Variants in INPP4B observed in about 807,000 individuals in gnomAD.
The protein encoded by INPP4B is inositol polyphosphate 4-phosphatase type II.
In INPP4B, 55 loss-of-function variants were observed where a neutral mutation model predicts 122.5. The ratio of observed to expected loss-of-function variants is 0.45; its 90% CI spans 0.36 to 0.56. INPP4B has a LOEUF of 0.56. Ranked by LOEUF, INPP4B falls within the 20% of genes least tolerant of loss-of-function variation. The pLI, the probability that INPP4B is intolerant of heterozygous loss-of-function variation, is 0.00. For synonymous variants in INPP4B, 403 were observed against 388.7 expected (o/e 1.04, Z -0.43); for missense variants, 1,000 against 1,097.7 (o/e 0.91, Z 1.26).
chr4:142,173,425 G>GA lies in INPP4B; in HGVS notation c.1359+206dup, dbSNP rs34846567. The stretch of plus-strand genomic sequence containing the variant: ...AATAACAGGTTTCATTTCCTACTAA[G>GA]AAAAAAAAAAAAAGAGTGCTCAGTA... On this transcript the variant is annotated intron_variant, in intron 16 of 25. Coordinates refer to ENST00000262992, the MANE Select transcript of INPP4B (RefSeq NM_001101669.3). 2.1e-3 allele frequency among the ~76,000 whole-genome samples: 281 copies of GA among 135,056 alleles called. 2 individuals carry two copies. The South Asian group carries it at 0.025, about 12-fold the overall frequency. The allele number at this position is 135,056 out of a possible 152,430, so 88.6% of individuals were successfully genotyped here.
chr4:142,507,877 G>T (rs768923176), intron 2 of INPP4B, among the ~76,000 whole-genome samples: 6 of 152,096 alleles, frequency 3.9e-5, no homozygotes, highest in Non-Finnish European at 7.4e-5. Context: ...GACATATCCA[G>T]ATTCATTCTA....
intron 15 of INPP4B, among the ~76,000 whole-genome samples, chr4:142,184,935 A>C (rs549323752): frequency 6.6e-6 from 1 of 152,186 alleles, no homozygotes; most frequent in Non-Finnish European, 1.5e-5. Context: ...GCAGCAAAGA[A>C]ATTTTTAAAA....
At chr4:142,760,047 G>C (rs1771097341) in intron 1 of INPP4B, among the ~76,000 whole-genome samples, 1 of 151,846 alleles carries the variant, frequency 6.6e-6, no homozygotes, top group Admixed American at 6.6e-5. Flanking sequence ...CTATTTGTTG[G>C]CATTTTTTAT....
intron 7 of INPP4B, among the ~76,000 whole-genome samples, chr4:142,331,740 A>G (rs1279891506): frequency 6.6e-6 from 1 of 152,230 alleles, no homozygotes; most frequent in Non-Finnish European, 1.5e-5. Context: ...AATCAGTCTC[A>G]TGACATATTT....
At chr4:142,184,081 T>C (rs1427320919) in intron 15 of INPP4B, among the ~76,000 whole-genome samples, 2 of 152,226 alleles carry the variant, frequency 1.3e-5, no homozygotes, top group South Asian at 2.1e-4. Context: ...TCATTTACAA[T>C]TAAAGTCATT....
chr4:142,439,613 CAA>C (rs1290097301), intron 3 of INPP4B, among the ~76,000 whole-genome samples: 1 of 152,158 alleles, frequency 6.6e-6, no homozygotes, highest in African/African-American at 2.4e-5. Context: ...AAAGAATGCA[CAA>C]AGTCAAGAGT....
chr4:142,079,599 C>A (rs1772774994), intron 25 of INPP4B, among the ~76,000 whole-genome samples: 1 of 151,998 alleles, frequency 6.6e-6, no homozygotes, highest in African/African-American at 2.4e-5. Flanking sequence ...ATAAAAATAT[C>A]TATAAGAAAT....
intron 1 of INPP4B, among the ~76,000 whole-genome samples, chr4:142,761,997 AT>A (rs1318170746): frequency 7.2e-5 from 11 of 152,146 alleles, no homozygotes; most frequent in Non-Finnish European, 1.0e-4. Context: ...CCCTGATACA[AT>A]TGGATGTAAA....
chr4:142,571,721 T>C (rs891262274), intron 2 of INPP4B, among the ~76,000 whole-genome samples: 2 of 152,092 alleles, frequency 1.3e-5, no homozygotes, highest in Admixed American at 6.6e-5. Flanking sequence ...TTAAATAAAA[T>C]GATATTTTGA....
At chr4:142,502,427 T>A (rs1187320669) in intron 2 of INPP4B, among the ~76,000 whole-genome samples, 1 of 152,136 alleles carries the variant, frequency 6.6e-6, no homozygotes, top group Non-Finnish European at 1.5e-5. Flanking sequence ...GTAAACTCCA[T>A]GTATTATTGA....
chr4:142,741,640 T>C (rs903002401), intron 1 of INPP4B, among the ~76,000 whole-genome samples: 2 of 152,018 alleles, frequency 1.3e-5, no homozygotes, highest in African/African-American at 2.4e-5. Context: ...AAATAAATTA[T>C]AATCGCATAG....
At chr4:142,390,569 AAAAG>A (rs918593494) in intron 7 of INPP4B, among the ~76,000 whole-genome samples, 38 of 152,306 alleles carry the variant, frequency 2.5e-4, no homozygotes, top group Admixed American at 9.8e-4. Context: ...TAAAACATTC[AAAAG>A]AGAGGTAAAT....
At chr4:142,233,488 T>C (rs1855345469) in intron 12 of INPP4B, among the ~76,000 whole-genome samples, 1 of 152,188 alleles carries the variant, frequency 6.6e-6, no homozygotes, top group Non-Finnish European at 1.5e-5. Context: ...CAGTTTGGAT[T>C]TCCAAGCATA....
chr4:142,258,100 G>C (rs937308701), intron 11 of INPP4B, among the ~76,000 whole-genome samples: 4 of 151,578 alleles, frequency 2.6e-5, no homozygotes, highest in African/African-American at 9.7e-5. Flanking sequence ...CAAGCAATGG[G>C]GAAAGGATTC....
intron 2 of INPP4B, among the ~76,000 whole-genome samples, chr4:142,664,325 C>T (rs1044862162): frequency 1.6e-4 from 24 of 152,252 alleles, no homozygotes; most frequent in African/African-American, 4.8e-4. Flanking sequence ...CTCTTCTCCC[C>T]GCTAAGGCCA....
chr4:142,321,982 A>C (rs1469049452), intron 7 of INPP4B, among the ~76,000 whole-genome samples: 2 of 152,200 alleles, frequency 1.3e-5, no homozygotes, highest in Non-Finnish European at 2.9e-5. Flanking sequence ...TAAGGCCAGC[A>C]AACATGTATC....
intron 7 of INPP4B, among the ~76,000 whole-genome samples, chr4:142,379,530 C>A (rs1318670351): frequency 6.6e-6 from 1 of 152,142 alleles, no homozygotes; most frequent in African/African-American, 2.4e-5. Flanking sequence ...AGTTTAAATA[C>A]CAACCCCAAC....
At chr4:142,776,713 T>A (rs1170457459) in intron 1 of INPP4B, among the ~76,000 whole-genome samples, 1 of 152,192 alleles carries the variant, frequency 6.6e-6, no homozygotes, top group Admixed American at 6.6e-5. Context: ...TCTATTTATA[T>A]TGAATATTGT....
At chr4:142,612,548 G>C (rs951378747) in intron 2 of INPP4B, among the ~76,000 whole-genome samples, 16 of 152,150 alleles carry the variant, frequency 1.1e-4, no homozygotes, top group Non-Finnish European at 2.4e-4. Flanking sequence ...GTTTGGTAAG[G>C]GCCCAATTCC....
Sources: allele counts gnomAD v4.1 joint callset (sites outside exome capture counted in the v4.1 genomes callset), GRCh38; gene constraint gnomAD v4.1.1; transcripts MANE v1.5; gene names NCBI Gene and HGNC (gene_info 2026-07-23, HGNC 2026-07-21).